PRKAR1A: variants seen among roughly 807,000 people sequenced by gnomAD.
PRKAR1A encodes the protein protein kinase cAMP-dependent type I regulatory subunit alpha.
A neutral mutation model predicts 52.0 loss-of-function variants in PRKAR1A; 3 were observed. The ratio of observed to expected loss-of-function variants is 0.06; its 90% CI spans 0.03 to 0.15. The LOEUF (loss-of-function observed/expected upper bound fraction) is 0.15. Ranked by LOEUF, PRKAR1A falls within the 10% of genes least tolerant of loss-of-function variation. The pLI, the probability that PRKAR1A is intolerant of heterozygous loss-of-function variation, is 1.00. For missense variants in PRKAR1A, 240 were observed against 477.4 expected, an observed-to-expected ratio of 0.50 and a Z score of 4.63; for synonymous variants, 188 against 168.4, an observed-to-expected ratio of 1.12 and a Z score of -0.90.
the PRKAR1A span, among the ~76,000 whole-genome samples, chr17:68,429,705 C>T: frequency 1.8e-4 from 28 of 152,138 alleles, no homozygotes; most frequent in African/African-American, 3.9e-4. Flanking sequence ...TCTCCTGCCC[C>T]AACCTCCCAA....
At chr17:68,515,112 C>A in intron 1 of PRKAR1A, 1 of 448,828 alleles carries the variant, frequency 2.2e-6, no homozygotes, top group Non-Finnish European at 4.1e-6. Flanking sequence ...GCACCCGTCT[C>A]TGCAGAGGTT....
the PRKAR1A span, chr17:68,425,813 T>C: frequency 5.0e-6 from 2 of 399,066 alleles, no homozygotes; most frequent in East Asian, 8.6e-5. Context: ...GGCCTCTGGC[T>C]GGAGGGAGGC....
intron 11 of PRKAR1A, among the ~76,000 whole-genome samples, chr17:68,543,053 C>A (rs1482716249): frequency 1.3e-5 from 2 of 152,162 alleles, no homozygotes; most frequent in East Asian, 3.9e-4. Flanking sequence ...CCTGGGCAAA[C>A]CTTCCCACCA....
intron 11 of PRKAR1A, chr17:68,542,817 A>G (rs1318820181): frequency 1.2e-6 from 2 of 1,602,642 alleles, no homozygotes; most frequent in Non-Finnish European, 1.7e-6. Context: ...ATCCTGCAAG[A>G]GAGGAAGCTC....
chr17:68,551,247 A>G (rs141240630), exon 12 of PRKAR1A: 345 of 763,974 alleles, frequency 4.5e-4, no homozygotes, highest in Non-Finnish European at 5.7e-4. Flanking sequence ...ACTCATCTCT[A>G]TGTTTCACAA....
Position 68,522,752 on chromosome 17 carries a change from T to C in PRKAR1A, c.178-4T>C, listed in dbSNP as rs2143271897. The C allele has an allele frequency of 4.3e-6, 7 of 1,614,098 alleles. No homozygotes were observed. Among genetic ancestry groups the C allele is most frequent in the Non-Finnish European group, 5.9e-6 (7 of 1,179,996 alleles). ...TCATTTTGCAAACTCGTAATTTCTT[T>C]CAGGAGGAGGCAAAACAGATTCAGA... On this transcript the variant is annotated splice_polypyrimidine_tract_variant and splice_region_variant and intron_variant, in intron 2 of 10. Coordinates refer to ENST00000589228, the MANE Select transcript of PRKAR1A (RefSeq NM_002734.5).
At chr17:68,537,493 G>A (rs143893081), downstream of PRKAR1A, 90 of 1,613,870 alleles carry the variant, frequency 5.6e-5, no homozygotes, top group Non-Finnish European at 6.8e-6. The surrounding 1 kb of genome is among the most constrained non-coding windows in gnomAD (Gnocchi z 4.2). Context: ...TGTCAAGTTA[G>A]CCTGGCCAGA....
chr17:68,486,189 A>G, the PRKAR1A span, among the ~76,000 whole-genome samples: 3 of 143,436 alleles, frequency 2.1e-5, no homozygotes, highest in East Asian at 5.9e-4. Flanking sequence ...GACTAAGAGA[A>G]GAGCTCATGA....
chr17:68,541,319 C>T (rs1163000260), intron 11 of PRKAR1A: 1 of 301,938 alleles, frequency 3.3e-6, no homozygotes, highest in Non-Finnish European at 6.5e-6. Context: ...CTCATAGCAC[C>T]TCCATGGGCT....
the PRKAR1A span, among the ~76,000 whole-genome samples, chr17:68,479,549 T>A: frequency 3.0e-3 from 458 of 152,348 alleles, 1 homozygote; most frequent in Middle Eastern, 3.4e-3. Context: ...GAATATGTTA[T>A]TTTTAAAAAT....
At chr17:68,542,871 T>A in intron 11 of PRKAR1A, 1 of 1,319,428 alleles carries the variant, frequency 7.6e-7, no homozygotes. Context: ...GGAGGGGTTT[T>A]GTCCCCCGGC....
At chr17:68,488,105 G>A in the PRKAR1A span, among the ~76,000 whole-genome samples, 1 of 152,054 alleles carries the variant, frequency 6.6e-6, no homozygotes, top group Admixed American at 6.6e-5. Flanking sequence ...ATGGCCAGGT[G>A]GCTTTTGAGC....
At chr17:68,536,523 C>T (rs1366824346), downstream of PRKAR1A, 2 of 453,872 alleles carry the variant, frequency 4.4e-6, no homozygotes, top group African/African-American at 4.0e-5. Flanking sequence ...TTTTTTGAGC[C>T]AGCCGTCACA....
the PRKAR1A span, chr17:68,426,213 GATCTGCTTTTATGCCATGACCT>G: frequency 7.7e-7 from 1 of 1,293,484 alleles, no homozygotes; most frequent in Non-Finnish European, 1.1e-6. Context: ...AAGCACTGGG[GATCTGCTTTTATGCCATGACCT>G]GGCGGGTGGG....
At chr17:68,498,470 G>C in the PRKAR1A span, among the ~76,000 whole-genome samples, 12 of 152,294 alleles carry the variant, frequency 7.9e-5, no homozygotes, top group South Asian at 8.3e-4. Flanking sequence ...TGACAGAATA[G>C]GTTCTGGTTG....
the PRKAR1A span, among the ~76,000 whole-genome samples, chr17:68,414,619 T>C: frequency 9.2e-5 from 14 of 152,352 alleles, no homozygotes; most frequent in African/African-American, 3.4e-4. Context: ...CTTCTTTGAA[T>C]GTCTGGTGGA....
At chr17:68,541,030 CCCCTGCCCCCCCAAT>C in intron 11 of PRKAR1A, 1 of 1,545,502 alleles carries the variant, frequency 6.5e-7, no homozygotes, top group Non-Finnish European at 8.7e-7. Flanking sequence ...CCCACACCTC[CCCCTGCCCCCCCAAT>C]CCCTGCCTCC....
At chr17:68,428,890 G>A in the PRKAR1A span, 1 of 1,614,156 alleles carries the variant, frequency 6.2e-7, no homozygotes, top group Non-Finnish European at 8.5e-7. Flanking sequence ...TACATATAAA[G>A]GTGTCCACTG....
In PRKAR1A at chr17:68,531,694, C is replaced by A; in HGVS notation, c.*1245C>A. The stretch of plus-strand genomic sequence containing the variant: ...CTGCTTTCCTATCTAGCATTTATTT[C>A]TCTGGCAAACTTTTCTTTCTTTTCT... On this transcript the variant is annotated 3_prime_UTR_variant, in exon 11 of 11. Coordinates refer to ENST00000589228, the MANE Select transcript of PRKAR1A (RefSeq NM_002734.5). The A allele has an allele frequency of 1.9e-6, 2 of 1,064,214 alleles. No homozygotes were observed. The highest frequency in any genetic ancestry group is 9.1e-5 in the South Asian group (2 of 21,932). 65.9% of individuals were successfully genotyped at this position (1,064,214 alleles called of 1,614,324 possible).
Sources: gnomAD v4.1 joint callset for allele counts (sites outside exome capture counted in the v4.1 genomes callset) on GRCh38, gnomAD v4.1.1 for gene constraint, Gnocchi (gnomAD v3.1) non-coding constraint, MANE v1.5 for transcripts, NCBI Gene and HGNC (gene_info 2026-07-23, HGNC 2026-07-21) for gene names.